Variants in NBEA observed in about 807,000 individuals in gnomAD.
NBEA encodes the protein neurobeachin.
In NBEA, 44 loss-of-function variants were observed where a neutral mutation model predicts 343.4. The ratio of observed to expected loss-of-function variants is 0.13; its 90% CI spans 0.10 to 0.16. The LOEUF (loss-of-function observed/expected upper bound fraction) is 0.16. Ranked by LOEUF, NBEA falls within the 10% of genes least tolerant of loss-of-function variation. NBEA has a pLI of 1.00. For synonymous variants in NBEA, 1,175 were observed against 1,238.7 expected (o/e 0.95, Z 1.08); for missense variants, 2,555 against 3,631.3 (o/e 0.70, Z 7.62).
At chr13:35,512,104 C>A (rs948613369) in intron 41 of NBEA, among the ~76,000 whole-genome samples, 1 of 152,132 alleles carries the variant, frequency 6.6e-6, no homozygotes, top group South Asian at 2.1e-4. Context: ...CAAACTCACC[C>A]GTCTTGAACT....
intron 41 of NBEA, among the ~76,000 whole-genome samples, chr13:35,541,888 T>C (rs936117929): frequency 6.6e-6 from 1 of 152,002 alleles, no homozygotes; most frequent in Non-Finnish European, 1.5e-5. Flanking sequence ...GCTATTAATA[T>C]CTCATTCAAT....
At chr13:35,180,121 G>A (rs530025142) in intron 28 of NBEA, among the ~76,000 whole-genome samples, 1 of 151,742 alleles carries the variant, frequency 6.6e-6, no homozygotes, top group East Asian at 1.9e-4. Flanking sequence ...TATGAATCTT[G>A]TTTGCATTGT....
intron 34 of NBEA, among the ~76,000 whole-genome samples, chr13:35,267,830 A>T (rs946183678): frequency 4.1e-5 from 6 of 146,772 alleles, no homozygotes; most frequent in Non-Finnish European, 3.0e-5. Context: ...GTACTATTTA[A>T]AAAAAAAAAA....
chr13:35,292,550 G>C (rs1594100612), intron 35 of NBEA, among the ~76,000 whole-genome samples: 1 of 151,892 alleles, frequency 6.6e-6, no homozygotes, highest in Non-Finnish European at 1.5e-5. Flanking sequence ...CAAGGCAGTA[G>C]GTAATCCTGA....
chr13:35,608,032 G>A (rs1283124124), intron 48 of NBEA, among the ~76,000 whole-genome samples: 1 of 151,974 alleles, frequency 6.6e-6, no homozygotes, highest in African/African-American at 2.4e-5. Flanking sequence ...CTTTTCTTTT[G>A]GACTTTACTG....
At chr13:34,952,744 A>G (rs557008532) in intron 1 of NBEA, among the ~76,000 whole-genome samples, 20 of 152,184 alleles carry the variant, frequency 1.3e-4, no homozygotes, top group Non-Finnish European at 2.6e-4. Context: ...ATATCTAGAT[A>G]TATTTCTCTT....
At chr13:35,472,220 A>T (rs898543694) in intron 40 of NBEA, among the ~76,000 whole-genome samples, 180 bp from the exon 41 acceptor site, 2 of 152,208 alleles carry the variant, frequency 1.3e-5, no homozygotes, top group African/African-American at 4.8e-5. Flanking sequence ...TAGTCTCGTT[A>T]TAAGGTAATG....
intron 33 of NBEA, among the ~76,000 whole-genome samples, chr13:35,228,655 T>C (rs940455314): frequency 6.7e-6 from 1 of 150,140 alleles, no homozygotes; most frequent in Non-Finnish European, 1.5e-5. Context: ...GCCTTTCTGT[T>C]TGAGTCACTT....
chr13:35,126,458 C>CA (rs1277072380), intron 17 of NBEA, among the ~76,000 whole-genome samples: 2 of 150,786 alleles, frequency 1.3e-5, no homozygotes, highest in Non-Finnish European at 3.0e-5. Context: ...TAACTATACA[C>CA]AAAAAAATAA....
chr13:35,189,207 C>G (rs1367589183), intron 30 of NBEA, among the ~76,000 whole-genome samples: 2 of 152,152 alleles, frequency 1.3e-5, no homozygotes, highest in East Asian at 3.9e-4. Context: ...ATGTGAGCCA[C>G]TGCACCTGGC....
chr13:35,214,399 G>A (rs1333615321), intron 33 of NBEA, among the ~76,000 whole-genome samples: 6 of 151,774 alleles, frequency 4.0e-5, no homozygotes, highest in African/African-American at 1.4e-4. Context: ...ATTCTTGTCA[G>A]CACTTGGTAT....
intron 41 of NBEA, among the ~76,000 whole-genome samples, chr13:35,488,126 CTT>C (rs375099500): frequency 9.5e-4 from 144 of 151,960 alleles, no homozygotes; most frequent in African/African-American, 3.3e-3. Flanking sequence ...CGTGACTTGA[CTT>C]ATAATAATAA....
Position 35,360,070 on chromosome 13 carries a change from G to T in NBEA, c.6179+7747G>T, listed in dbSNP as rs529363790. Reference sequence around the variant, plus strand: ...GAGATTCATAGAGATCAAATGTCTTGCCCTGTATTACACAGCTAAGTAATA... The same window carrying T: ...GAGATTCATAGAGATCAAATGTCTTTCCCTGTATTACACAGCTAAGTAATA... On this transcript the variant is annotated intron_variant, in intron 38 of 58. Transcript: ENST00000379939. Among the ~76,000 whole-genome samples, 11 of 151,934 alleles carry T rather than the reference G, an allele frequency of 7.2e-5. No homozygotes were observed. In the South Asian group the frequency reaches 2.3e-3, roughly 32 times the overall value.
intron 48 of NBEA, among the ~76,000 whole-genome samples, chr13:35,626,174 A>G (rs952705409): frequency 3.9e-5 from 6 of 152,224 alleles, no homozygotes; most frequent in East Asian, 1.9e-4. Context: ...TTAACCCTAT[A>G]TATTTTTATA....
intron 16 of NBEA, among the ~76,000 whole-genome samples, chr13:35,119,471 C>T (rs1423325362): frequency 6.6e-6 from 1 of 152,124 alleles, no homozygotes; most frequent in African/African-American, 2.4e-5. Flanking sequence ...ATCACTATCT[C>T]TTTATGCATA....
At chr13:35,631,102 G>A (rs1190974611) in intron 49 of NBEA, among the ~76,000 whole-genome samples, 1 of 152,150 alleles carries the variant, frequency 6.6e-6, no homozygotes, top group South Asian at 2.1e-4. Context: ...CTGTGAGCTG[G>A]GTAAGTGAGG....
At chr13:34,978,013 C>T (rs189973377) in intron 1 of NBEA, among the ~76,000 whole-genome samples, 85 of 152,182 alleles carry the variant, frequency 5.6e-4, no homozygotes, top group Admixed American at 3.0e-3. Flanking sequence ...CACTGTGTGG[C>T]CCAGGCTGGA....
At chr13:34,991,676 C>A (rs1437520114) in intron 1 of NBEA, among the ~76,000 whole-genome samples, 1 of 152,102 alleles carries the variant, frequency 6.6e-6, no homozygotes, top group Non-Finnish European at 1.5e-5. Flanking sequence ...TCACTTCAAG[C>A]AGTCATATGT....
chr13:34,983,491 T>C (rs1191726238), intron 1 of NBEA, among the ~76,000 whole-genome samples: 4 of 152,196 alleles, frequency 2.6e-5, no homozygotes, highest in African/African-American at 9.7e-5. Flanking sequence ...CATGTGTGCA[T>C]GTGTCTTTAT....
Sources: allele counts gnomAD v4.1 joint callset (sites outside exome capture counted in the v4.1 genomes callset), GRCh38; gene constraint gnomAD v4.1.1; transcripts MANE v1.5; gene names NCBI Gene and HGNC (gene_info 2026-07-23, HGNC 2026-07-21).